PTGES3: variants seen among roughly 807,000 people sequenced by gnomAD.
PTGES3 encodes Hsp90 co-chaperone.
PTGES3 carries 5 observed loss-of-function variants against 29.9 expected under a neutral mutation model. The observed-to-expected ratio is 0.17, with a 90% CI of 0.09 to 0.35. The LOEUF (loss-of-function observed/expected upper bound fraction) is 0.35. Ranked by LOEUF, PTGES3 falls within the 10% of genes least tolerant of loss-of-function variation. The pLI is 1.00. For missense variants in PTGES3, 128 were observed against 190.0 expected (o/e 0.67, Z 1.92); for synonymous variants, 49 against 57.8 (o/e 0.85, Z 0.69).
At chr12:56,672,662 G>A (rs1052671734) in intron 3 of PTGES3, 78 bp downstream of exon 3, 4 of 1,426,768 alleles carry the variant, frequency 2.8e-6, no homozygotes, top group Admixed American at 5.3e-5. Flanking sequence ...CAGAACTAAT[G>A]CTCATTGCTA....
At chr12:56,680,777 A>G (rs149392141) in intron 1 of PTGES3, among the ~76,000 whole-genome samples, 1 of 92,906 alleles carries the variant, frequency 1.1e-5, no homozygotes, top group Non-Finnish European at 2.0e-5. Context: ...TTTGTTTTTT[A>G]AAAGTTTTTT....
chr12:56,682,721 G>GAAAAAAAAAAAAA (rs754040277), intron 1 of PTGES3, among the ~76,000 whole-genome samples: 3 of 114,280 alleles, frequency 2.6e-5, no homozygotes, highest in African/African-American at 3.4e-5. Flanking sequence ...CCATTTAAAA[G>GAAAAAAAAAAAAA]AAAAAAAAAA....
At chr12:56,685,586 G>C (rs1387481282) in intron 1 of PTGES3, among the ~76,000 whole-genome samples, 1 of 150,968 alleles carries the variant, frequency 6.6e-6, no homozygotes, top group African/African-American at 2.4e-5. Flanking sequence ...ATTTTTAGTA[G>C]AGACGGGGTT....
At chr12:56,666,648 G>C (rs1951799137) in intron 5 of PTGES3, among the ~76,000 whole-genome samples, 1 of 150,982 alleles carries the variant, frequency 6.6e-6, no homozygotes. Context: ...TTTTTTTTGA[G>C]ACAGAGTCTA....
chr12:56,667,958 A>G (rs1383533863), intron 5 of PTGES3, among the ~76,000 whole-genome samples: 1 of 152,136 alleles, frequency 6.6e-6, no homozygotes, highest in Non-Finnish European at 1.5e-5. Flanking sequence ...AAATACAAAA[A>G]TTAGCCGGGC....
At chr12:56,667,310 C>G (rs1031599572) in intron 5 of PTGES3, among the ~76,000 whole-genome samples, 1 of 152,100 alleles carries the variant, frequency 6.6e-6, no homozygotes, top group South Asian at 2.1e-4. Context: ...CTTATTTTCT[C>G]AAGTTTAAAC....
chr12:56,682,875 T>C (rs1489814204), intron 1 of PTGES3, among the ~76,000 whole-genome samples: 1 of 151,852 alleles, frequency 6.6e-6, no homozygotes, highest in Non-Finnish European at 1.5e-5. Context: ...ATGCCTGTAG[T>C]CCCAGCTACT....
intron 1 of PTGES3, among the ~76,000 whole-genome samples, chr12:56,684,939 ATC>A (rs796328251): frequency 1.3e-4 from 20 of 152,090 alleles, no homozygotes; most frequent in African/African-American, 3.4e-4. Context: ...CCCAGCATAA[ATC>A]TCTCTCTCCC....
At chr12:56,683,473 C>CCA (rs1952656516) in intron 1 of PTGES3, among the ~76,000 whole-genome samples, 1 of 29,750 alleles carries the variant, frequency 3.4e-5, no homozygotes, top group Non-Finnish European at 6.3e-5. Flanking sequence ...AACTCTGTCT[C>CCA]AAAAAAAAAA....
chr12:56,674,475 G>C lies in PTGES3; in HGVS notation c.3-1410C>G, dbSNP rs577518860. ...GGGAGGCGAGGCAGGTGGATCACCT[G>C]AGGTCGAGAATTCGAGACCAGCCTG... is the stretch of plus-strand genomic sequence containing the variant. On this transcript the variant is annotated intron_variant, in intron 1 of 7. Transcript: ENST00000262033. 5.9e-5 allele frequency among the ~76,000 whole-genome samples: 9 copies of C among 151,544 alleles called. No homozygotes were observed. The East Asian group carries it at 1.8e-3, about 30-fold the overall frequency.
At chr12:56,680,521 G>A (rs1182380028) in intron 1 of PTGES3, among the ~76,000 whole-genome samples, 1 of 152,048 alleles carries the variant, frequency 6.6e-6, no homozygotes, top group Admixed American at 6.6e-5. Context: ...AAGTAGCTGG[G>A]GTTACAGGCA....
intron 1 of PTGES3, among the ~76,000 whole-genome samples, chr12:56,685,399 C>T (rs796355385): frequency 2.1e-4 from 27 of 131,166 alleles, no homozygotes; most frequent in African/African-American, 3.9e-4. Context: ...TTTTTCTTTT[C>T]TTTTTTTTTT....
intron 1 of PTGES3, among the ~76,000 whole-genome samples, chr12:56,676,232 CAA>C (rs60053201): frequency 2.3e-5 from 3 of 129,960 alleles, no homozygotes; most frequent in East Asian, 2.2e-4. Flanking sequence ...TCTCCCCCCC[CAA>C]AAAAAAAAAA....
chr12:56,677,923 AGCCACAG>A (rs963954512), intron 1 of PTGES3, among the ~76,000 whole-genome samples: 2 of 152,196 alleles, frequency 1.3e-5, no homozygotes, highest in Non-Finnish European at 2.9e-5. Flanking sequence ...ATGATTTGGT[AGCCACAG>A]GCCACAGGAC....
chr12:56,676,920 CAAAAAAAAAAA>C (rs34739170), intron 1 of PTGES3, among the ~76,000 whole-genome samples: 5,450 of 50,526 alleles, frequency 0.11, 177 homozygotes, highest in Non-Finnish European at 0.14. Flanking sequence ...GATTCCGACT[CAAAAAAAAAAA>C]AAAAAAAAAA....
In PTGES3 at chr12:56,688,224, T is replaced by A; in HGVS notation, c.-225A>T. ...TCCGGTCGGGGAGAAGAGGAAAGTG[T>A]AGGAAAAGGGGCGCGAGGACGGAGA... On this transcript the variant is annotated 5_prime_UTR_variant, in exon 1 of 8. Transcript: ENST00000262033. 2 of 730,416 alleles carry A rather than the reference T, an allele frequency of 2.7e-6. No homozygotes were observed. Among genetic ancestry groups the A allele is most frequent in the Non-Finnish European group, 4.0e-6 (2 of 499,586 alleles). The allele number at this position is 730,416 out of a possible 1,614,324, so 45.2% of individuals were successfully genotyped here. A position where few individuals can be genotyped will look rare whatever the true frequency, so the allele number is the denominator to read the frequency against.
intron 7 of PTGES3, 23 bp downstream of exon 7, chr12:56,664,753 A>G: frequency 6.3e-7 from 1 of 1,585,334 alleles, no homozygotes; most frequent in Non-Finnish European, 8.6e-7. Context: ...CACTGTATAA[A>G]CATACTTTTT....
At chr12:56,670,923 G>A (rs139170956) in intron 4 of PTGES3, among the ~76,000 whole-genome samples, 2,087 of 152,254 alleles carry the variant, frequency 0.014, 23 homozygotes, top group Middle Eastern at 0.051. Context: ...CTGAGCAATA[G>A]TGGATCCTGT....
intron 5 of PTGES3, among the ~76,000 whole-genome samples, chr12:56,669,910 A>G (rs571752996): frequency 2.4e-4 from 36 of 152,046 alleles, no homozygotes; most frequent in African/African-American, 8.7e-4. Context: ...TGCCCGGCCA[A>G]AAGTTTATAG....
Sources: gnomAD v4.1 joint callset for allele counts (sites outside exome capture counted in the v4.1 genomes callset) on GRCh38, gnomAD v4.1.1 for gene constraint, MANE v1.5 for transcripts, NCBI Gene and HGNC (gene_info 2026-07-23, HGNC 2026-07-21) for gene names.